The following ZNF486 variants were observed in gnomAD, a reference collection of about 807,000 sequenced individuals.
The protein encoded by ZNF486 is zinc finger protein 486, also known as KRAB box only protein 2.
A neutral mutation model predicts 12.8 loss-of-function variants in ZNF486; 12 were observed. That is an observed-to-expected ratio of 0.94 (90% CI 0.60 to 1.52). ZNF486 has a LOEUF of 1.52. Among genes scored for constraint, ZNF486 ranks in the 40% most tolerant of loss-of-function variants. ZNF486 has a pLI of 0.00. For synonymous variants in ZNF486, 231 were observed against 184.9 expected, an observed-to-expected ratio of 1.25 and a Z score of -2.02; for missense variants, 738 against 545.0, an observed-to-expected ratio of 1.35 and a Z score of -3.53.
At chr19:20,196,352 G>A (rs1263968026) in intron 3 of ZNF486, among the ~76,000 whole-genome samples, 9 of 152,068 alleles carry the variant, frequency 5.9e-5, no homozygotes, top group Non-Finnish European at 1.0e-4. Flanking sequence ...TTTTTGAGAT[G>A]AAGTCTTGCT....
Position 20,184,630 on chromosome 19 carries a change from A to C in ZNF486, c.157+148A>C. The C allele has an allele frequency of 3.2e-6, 3 of 950,722 alleles. No homozygotes were observed. In the South Asian group the frequency reaches 6.6e-5, roughly 21 times the overall value. The allele number at this position is 950,722 out of a possible 1,614,324, so 58.9% of individuals were successfully genotyped here. A position where few individuals can be genotyped will look rare whatever the true frequency, so the allele number is the denominator to read the frequency against. ...AATCTTCAGAATTTGTTTATTTAGA[A>C]AAGAATTTCTTCAAGATGTTTCATC... On this transcript the variant is annotated intron_variant, in intron 2 of 3. Transcript: ENST00000335117.
At position 20,199,458 on chromosome 19, in the gene ZNF486, C is replaced by G. The variant is rs1252428795; in HGVS notation, c.*1356C>G. Reference sequence around the variant, plus strand: ...TAGATAAATTATTTGTGGCTGGGCACAGTGGCTCATGCCTGTAATCCCAGC... The same window carrying G: ...TAGATAAATTATTTGTGGCTGGGCAGAGTGGCTCATGCCTGTAATCCCAGC... On this transcript the variant is annotated 3_prime_UTR_variant, in exon 4 of 4. Transcript: ENST00000335117. The G allele has an allele frequency of 6.6e-6, 1 of 152,200 alleles. No individual in the cohort carries two copies. Among genetic ancestry groups the G allele is most frequent in the African/African-American group, 2.4e-5 (1 of 41,458 alleles). 9.4% of individuals were successfully genotyped at this position (152,200 alleles called of 1,614,324 possible).
At chr19:20,194,116 T>A (rs1555717571) in intron 3 of ZNF486, among the ~76,000 whole-genome samples, 1 of 152,216 alleles carries the variant, frequency 6.6e-6, no homozygotes, top group Non-Finnish European at 1.5e-5. Context: ...ATGTTTTCTG[T>A]ACCATTATGA....
intron 3 of ZNF486, among the ~76,000 whole-genome samples, chr19:20,187,434 A>G (rs1352753967): frequency 6.6e-6 from 1 of 151,276 alleles, no homozygotes; most frequent in Non-Finnish European, 1.5e-5. Context: ...AAATAGAAGC[A>G]TTGACAATGG....
intron 3 of ZNF486, among the ~76,000 whole-genome samples, chr19:20,196,055 G>A (rs887016822): frequency 2.6e-5 from 4 of 152,156 alleles, no homozygotes; most frequent in Admixed American, 6.5e-5. Flanking sequence ...GTCTCATTCT[G>A]TTACCTAGTC....
At position 20,198,127 on chromosome 19, in the gene ZNF486, T is replaced by C. The variant is rs375278545; in HGVS notation, c.*25T>C. The stretch of plus-strand genomic sequence containing the variant: ...ACAAAGGATTATTTTATTATTATTA[T>C]TTTTTTGAGAGGTAATTCTGCTGTT... On this transcript the variant is annotated 3_prime_UTR_variant, in exon 4 of 4. Coordinates refer to ENST00000335117, the MANE Select transcript of ZNF486 (RefSeq NM_052852.4). 1.5e-5 allele frequency: 22 copies of C among 1,513,188 alleles called. No individual in the cohort carries two copies. The African/African-American group carries it at 1.5e-4, about 11-fold the overall frequency. The allele number at this position is 1,513,188 out of a possible 1,614,324, so 93.7% of individuals were successfully genotyped here.
At chr19:20,184,139 CATT>C (rs1263002749) in intron 1 of ZNF486, among the ~76,000 whole-genome samples, 3 of 151,998 alleles carry the variant, frequency 2.0e-5, no homozygotes, top group African/African-American at 7.2e-5. Context: ...AGAAAAATAT[CATT>C]ATATGAACTA....
At chr19:20,193,261 T>C (rs2089919929) in intron 3 of ZNF486, among the ~76,000 whole-genome samples, 1 of 152,006 alleles carries the variant, frequency 6.6e-6, no homozygotes, top group Non-Finnish European at 1.5e-5. Context: ...ATATTTCTTA[T>C]ATTTTATTAA....
At chr19:20,169,861 T>TA (rs1359660046) in intron 1 of ZNF486, among the ~76,000 whole-genome samples, 3 of 150,688 alleles carry the variant, frequency 2.0e-5, no homozygotes, top group African/African-American at 7.3e-5. Flanking sequence ...ACCGTGTTCT[T>TA]AGAAGGGACA....
chr19:20,188,539 C>A (rs111480367), intron 3 of ZNF486: 6 of 397,906 alleles, frequency 1.5e-5, no homozygotes, highest in Non-Finnish European at 2.2e-5. Context: ...TTAATAATTG[C>A]CAGGCATGGT....
At chr19:20,183,596 C>T (rs1555715890) in intron 1 of ZNF486, among the ~76,000 whole-genome samples, 2 of 152,156 alleles carry the variant, frequency 1.3e-5, no homozygotes, top group African/African-American at 2.4e-5. Context: ...ATTAGGACAT[C>T]ATAAAAATTT....
chr19:20,176,757 T>C (rs1373794594), intron 1 of ZNF486: 1 of 153,578 alleles, frequency 6.5e-6, no homozygotes, highest in East Asian at 1.9e-4. Context: ...GAGGTTGCAG[T>C]GAGCCGAGAT....
chr19:20,193,793 T>C (rs771880309), intron 3 of ZNF486, among the ~76,000 whole-genome samples: 2 of 152,182 alleles, frequency 1.3e-5, no homozygotes, highest in Non-Finnish European at 2.9e-5. Flanking sequence ...TTTTCACTCA[T>C]TTTCTGTCTT....
intron 3 of ZNF486, among the ~76,000 whole-genome samples, chr19:20,192,376 G>C (rs561803896): frequency 2.6e-5 from 4 of 152,284 alleles, no homozygotes; most frequent in African/African-American, 7.2e-5. Context: ...AATGGCGTGA[G>C]CTCACTGCAA....
At chr19:20,187,287 T>C (rs1318942861) in intron 3 of ZNF486, among the ~76,000 whole-genome samples, 2 of 152,154 alleles carry the variant, frequency 1.3e-5, no homozygotes, top group Admixed American at 1.3e-4. Context: ...CAGGTTTTAA[T>C]GTACTATTTA....
chr19:20,169,929 C>T (rs1271786956), intron 1 of ZNF486, among the ~76,000 whole-genome samples: 2 of 140,702 alleles, frequency 1.4e-5, no homozygotes, highest in African/African-American at 2.7e-5. Flanking sequence ...CTCACTCCGT[C>T]GCCCAGGCTG....
chr19:20,198,368 G>A lies in ZNF486; in HGVS notation c.*266G>A, dbSNP rs1231076342. On this transcript the variant is annotated 3_prime_UTR_variant, in exon 4 of 4. Transcript: ENST00000335117. ...TCTGCCTGCTTTGGCCTCCCAAAGT[G>A]TTGGGGTTACAGGCATGAGCCACTG... 1.7e-5 allele frequency: 7 copies of A among 410,464 alleles called. No homozygotes were observed. Among genetic ancestry groups the A allele is most frequent in the Admixed American group, 1.6e-4 (4 of 24,810 alleles). The allele number at this position is 410,464 out of a possible 1,614,324, so 25.4% of individuals were successfully genotyped here. A position where few individuals can be genotyped will look rare whatever the true frequency, so the allele number is the denominator to read the frequency against.
At chr19:20,187,049 C>A (rs113733875) in intron 3 of ZNF486, among the ~76,000 whole-genome samples, 11,996 of 151,980 alleles carry the variant, frequency 0.079, 723 homozygotes, top group African/African-American at 0.18. Context: ...TCCCAAAGTG[C>A]TGGGATTACA....
rs782725543 is a variant in ZNF486 at position 20,197,683 on chromosome 19, G to A, written c.973G>A (p.Asp325Asn). The A allele has an allele frequency of 7.4e-6, 12 of 1,613,524 alleles. No individual in the cohort carries two copies. In the Admixed American group the frequency reaches 2.0e-4, roughly 27 times the overall value. Reference sequence around the variant, plus strand: ...TACTGGAGAGAAACCGTACACGTGTGATAAATGTGGCAAAGCCTTTATTTC... The same window carrying A: ...TACTGGAGAGAAACCGTACACGTGTAATAAATGTGGCAAAGCCTTTATTTC... ...IHTGEKPYTC[D>N]KCGKAFISSS... Residue 325 changes from aspartate (D) to asparagine (N), a missense_variant, in exon 4 of 4, where the codon GAT becomes AAT. Coordinates refer to ENST00000335117, the MANE Select transcript of ZNF486 (RefSeq NM_052852.4).
Sources: allele counts gnomAD v4.1 joint callset (sites outside exome capture counted in the v4.1 genomes callset), GRCh38; gene constraint gnomAD v4.1.1; transcripts MANE v1.5; gene names NCBI Gene and HGNC (gene_info 2026-07-23, HGNC 2026-07-21).